Variants in SLC49A4 observed in about 807,000 individuals in gnomAD.
SLC49A4 encodes disrupted in renal cancer protein 2.
A neutral mutation model predicts 50.6 loss-of-function variants in SLC49A4; 36 were observed. That is an observed-to-expected ratio of 0.71 (90% CI 0.55 to 0.94). SLC49A4 has a LOEUF of 0.94. Ranked by LOEUF, SLC49A4 falls within the 40% of genes least tolerant of loss-of-function variation. The pLI is 0.00. For synonymous variants in SLC49A4, 248 were observed against 241.2 expected, an observed-to-expected ratio of 1.03 and a Z score of -0.26; for missense variants, 503 against 605.7, an observed-to-expected ratio of 0.83 and a Z score of 1.78.
chr3:122,807,893 T>C (rs978641085), intron 2 of SLC49A4, among the ~76,000 whole-genome samples: 2 of 152,200 alleles, frequency 1.3e-5, no homozygotes, highest in East Asian at 1.9e-4. Context: ...CCCCTTAGGC[T>C]CTTAATCAGA....
intron 2 of SLC49A4, among the ~76,000 whole-genome samples, chr3:122,810,185 G>C (rs910728478): frequency 2.0e-5 from 3 of 152,144 alleles, no homozygotes; most frequent in Non-Finnish European, 2.9e-5. Context: ...TAAGTATCAA[G>C]ACATGAGAAT....
chr3:122,854,540 C>T (rs1458565051), intron 5 of SLC49A4, among the ~76,000 whole-genome samples: 4 of 152,192 alleles, frequency 2.6e-5, no homozygotes, highest in Non-Finnish European at 5.9e-5. Context: ...TCATTATATG[C>T]ATGGGTGCAG....
At chr3:122,844,602 C>T (rs1204227039) in intron 4 of SLC49A4, among the ~76,000 whole-genome samples, 1 of 151,946 alleles carries the variant, frequency 6.6e-6, no homozygotes, top group Non-Finnish European at 1.5e-5. Context: ...GCCAACATGG[C>T]GAAACCCTAT....
At chr3:122,867,470 G>A (rs1456422797) in intron 7 of SLC49A4, among the ~76,000 whole-genome samples, 1 of 152,092 alleles carries the variant, frequency 6.6e-6, no homozygotes, top group Non-Finnish European at 1.5e-5. Context: ...TAAAATACCT[G>A]CCTCAAAGAG....
intron 7 of SLC49A4, among the ~76,000 whole-genome samples, chr3:122,870,172 A>G (rs1026268550): frequency 6.6e-6 from 1 of 152,140 alleles, no homozygotes; most frequent in Non-Finnish European, 1.5e-5. Flanking sequence ...TCCTAAAAAC[A>G]GCTAATTCCA....
At position 122,795,126 on chromosome 3, in the gene SLC49A4, C is replaced by G. The variant is rs1422460599; in HGVS notation, c.-67C>G. The G allele has an allele frequency of 7.8e-7, 1 of 1,285,418 alleles. No individual in the cohort carries two copies. Among genetic ancestry groups the G allele is most frequent in the Non-Finnish European group, 9.8e-7 (1 of 1,023,718 alleles). 79.6% of individuals were successfully genotyped at this position (1,285,418 alleles called of 1,614,324 possible). ...CCGCCTCCTGCTGCTCAGGACTATT[C>G]TGCGCTGGGCTAGTCGGCGGTGACC... On this transcript the variant is annotated 5_prime_UTR_variant, in exon 1 of 9. Coordinates refer to ENST00000261038, the MANE Select transcript of SLC49A4 (RefSeq NM_032839.3).
chr3:122,842,535 T>C (rs535536880), intron 4 of SLC49A4, among the ~76,000 whole-genome samples: 1 of 121,674 alleles, frequency 8.2e-6, no homozygotes, highest in East Asian at 2.5e-4. Context: ...TAGATAGCAA[T>C]AGAGAAGGGT....
intron 2 of SLC49A4, among the ~76,000 whole-genome samples, chr3:122,807,256 G>A (rs897869172): frequency 6.6e-6 from 1 of 152,030 alleles, no homozygotes; most frequent in East Asian, 1.9e-4. Flanking sequence ...TAATGCTACA[G>A]AAGAAATACA....
chr3:122,812,365 A>C (rs1457202518), intron 2 of SLC49A4, among the ~76,000 whole-genome samples: 1 of 152,258 alleles, frequency 6.6e-6, no homozygotes, highest in Non-Finnish European at 1.5e-5. Context: ...TTTGCCCAGC[A>C]TAGAAATGTA....
At chr3:122,859,015 G>C (rs907025985) in intron 6 of SLC49A4, among the ~76,000 whole-genome samples, 1 of 152,134 alleles carries the variant, frequency 6.6e-6, no homozygotes, top group Non-Finnish European at 1.5e-5. Context: ...TGTATGTTTT[G>C]TTCTCAAGAA....
At chr3:122,839,034 A>G (rs1936732157) in intron 4 of SLC49A4, among the ~76,000 whole-genome samples, 1 of 152,180 alleles carries the variant, frequency 6.6e-6, no homozygotes, top group Non-Finnish European at 1.5e-5. Context: ...CTGGTATAAA[A>G]GTAGTCAATG....
chr3:122,798,082 T>G (rs1319067447), intron 1 of SLC49A4, among the ~76,000 whole-genome samples: 4 of 152,374 alleles, frequency 2.6e-5, no homozygotes, highest in Middle Eastern at 3.4e-3. Context: ...TTTCCACTGA[T>G]GTATTTTTCT....
chr3:122,822,027 G>A (rs115331860), intron 2 of SLC49A4, among the ~76,000 whole-genome samples: 27 of 152,228 alleles, frequency 1.8e-4, no homozygotes, highest in African/African-American at 5.8e-4. Flanking sequence ...GTGAGTTCCC[G>A]AGAGCATCCA....
At chr3:122,849,250 G>A (rs7635316) in intron 5 of SLC49A4, among the ~76,000 whole-genome samples, 22,388 of 152,086 alleles carry the variant, frequency 0.15, 2,232 homozygotes, top group East Asian at 0.34. Flanking sequence ...CTATTGTGCT[G>A]CAATAAACAT....
In SLC49A4 at chr3:122,802,655, A is replaced by C. The variant is rs112057319; in HGVS notation, c.344-4202A>C. Among the ~76,000 whole-genome samples the C allele has an allele frequency of 8.4e-3, 1,276 of 152,372 alleles. 13 individuals are homozygous for C. The highest frequency in any genetic ancestry group is 0.029 in the African/African-American group (1,186 of 41,588). The stretch of plus-strand genomic sequence containing the variant: ...AAGAAGATAGAAGAAAGAAAGCATG[A>C]GCACATTAAGGAGAGACAAAGAGGA... On this transcript the variant is annotated intron_variant, in intron 1 of 8. Coordinates refer to ENST00000261038, the MANE Select transcript of SLC49A4 (RefSeq NM_032839.3).
At chr3:122,847,296 A>T (rs1936866301) in intron 5 of SLC49A4, among the ~76,000 whole-genome samples, 1 of 152,160 alleles carries the variant, frequency 6.6e-6, no homozygotes, top group Admixed American at 6.5e-5. Flanking sequence ...ATCTTAGAAA[A>T]GATAAAAGAA....
At chr3:122,857,140 G>A (rs1039873037) in intron 6 of SLC49A4, among the ~76,000 whole-genome samples, 3 of 151,732 alleles carry the variant, frequency 2.0e-5, no homozygotes, top group Non-Finnish European at 4.4e-5. Context: ...GTCTTTTTTG[G>A]CTGGTATTTT....
At position 122,795,551 on chromosome 3, in the gene SLC49A4, G is replaced by C; in HGVS notation, c.343+16G>C. ...GACAAGAGAGGTGAGGGGTCGCGGA[G>C]CGCCAGCCCGCGCTGTCTCTCCTCC... On this transcript the variant is annotated intron_variant, in intron 1 of 8. Coordinates refer to ENST00000261038, the MANE Select transcript of SLC49A4 (RefSeq NM_032839.3). The C allele has an allele frequency of 6.4e-7, 1 of 1,573,282 alleles. No homozygotes were observed. The highest frequency in any genetic ancestry group is 1.8e-5 in the Admixed American group (1 of 55,026).
chr3:122,873,327 G>C (rs1937219264), intron 8 of SLC49A4, among the ~76,000 whole-genome samples: 1 of 152,024 alleles, frequency 6.6e-6, no homozygotes, highest in South Asian at 2.1e-4. Context: ...CTACAGGCAG[G>C]TGCCACCATG....
Sources: allele counts gnomAD v4.1 joint callset (sites outside exome capture counted in the v4.1 genomes callset), GRCh38; gene constraint gnomAD v4.1.1; transcripts MANE v1.5; gene names NCBI Gene and HGNC (gene_info 2026-07-23, HGNC 2026-07-21).